PLCH1: variants seen among roughly 807,000 people sequenced by gnomAD.
PLCH1 encodes the protein phospholipase C eta 1.
In PLCH1, 60 loss-of-function variants were observed where a neutral mutation model predicts 126.7. The ratio of observed to expected loss-of-function variants is 0.47; its 90% CI spans 0.38 to 0.59. The LOEUF is 0.59. PLCH1 is among the 20% of genes least tolerant of loss of function. The probability of loss-of-function intolerance (pLI) is 0.00; values close to 1 mark genes in which losing one functional copy is unlikely to be tolerated. For missense variants in PLCH1, 1,723 were observed against 2,040.0 expected, an observed-to-expected ratio of 0.84 and a Z score of 2.99; for synonymous variants, 719 against 734.9, an observed-to-expected ratio of 0.98 and a Z score of 0.35.
intron 14 of PLCH1, among the ~76,000 whole-genome samples, chr3:155,500,289 C>T (rs959526868): frequency 3.3e-5 from 5 of 152,166 alleles, no homozygotes; most frequent in Non-Finnish European, 7.4e-5. Context: ...GAGACAGATA[C>T]AATGAGGAGC....
At chr3:155,714,323 G>A (rs1747356821) in intron 1 of PLCH1, among the ~76,000 whole-genome samples, 1 of 152,170 alleles carries the variant, frequency 6.6e-6, no homozygotes, top group Non-Finnish European at 1.5e-5. Context: ...CTCTGGCCCA[G>A]CCCCAAACTG....
At chr3:155,611,044 A>G (rs1343988004) in intron 2 of PLCH1, among the ~76,000 whole-genome samples, 2 of 152,228 alleles carry the variant, frequency 1.3e-5, no homozygotes, top group Non-Finnish European at 2.9e-5. Flanking sequence ...AATGAACACC[A>G]AAAGCATGCA....
chr3:155,657,140 T>G (rs1243007134), intron 2 of PLCH1, among the ~76,000 whole-genome samples: 1 of 151,398 alleles, frequency 6.6e-6, no homozygotes, highest in African/African-American at 2.4e-5. Flanking sequence ...GAAAAGAGAC[T>G]TCTGCTTCCA....
chr3:155,512,110 A>C (rs927766271), intron 12 of PLCH1, among the ~76,000 whole-genome samples: 7 of 149,186 alleles, frequency 4.7e-5, no homozygotes, highest in Non-Finnish European at 5.9e-5. Context: ...GAGTGACCCG[A>C]TTTTCCAGGT....
intron 22 of PLCH1, among the ~76,000 whole-genome samples, chr3:155,484,587 C>T (rs889762119): frequency 2.6e-5 from 4 of 152,192 alleles, no homozygotes; most frequent in African/African-American, 9.7e-5. Flanking sequence ...ATATTTGTTG[C>T]AGAGATATCA....
At position 155,744,995 on chromosome 3, in the gene PLCH1, T is replaced by C; in HGVS notation, c.-196A>G. On this transcript the variant is annotated 5_prime_UTR_variant, in exon 1 of 23. Transcript: ENST00000460012. Reference sequence around the variant, plus strand: ...AGAAAAGCCCCCCTAGAAGAGCACTTCTCCCCACTAGCCAGCAGAAGCCCC... The same window carrying C: ...AGAAAAGCCCCCCTAGAAGAGCACTCCTCCCCACTAGCCAGCAGAAGCCCC... 6.6e-6 allele frequency: 1 copy of C among 152,662 alleles called. No homozygotes were observed. The highest frequency in any genetic ancestry group is 1.5e-5 in the Non-Finnish European group (1 of 68,474). 9.5% of individuals were successfully genotyped at this position (152,662 alleles called of 1,614,324 possible). A position where few individuals can be genotyped will look rare whatever the true frequency, so the allele number is the denominator to read the frequency against.
Position 155,583,768 on chromosome 3 carries a change from C to T in PLCH1, c.601-126G>A, listed in dbSNP as rs1384399814. 8.5e-6 allele frequency: 5 copies of T among 591,418 alleles called. No individual in the cohort carries two copies. The East Asian group carries it at 1.6e-4, about 19-fold the overall frequency. 36.6% of individuals were successfully genotyped at this position (591,418 alleles called of 1,614,324 possible). ...CCAAGAGGTGAGCACACATTCTCTTCGAGCACACATTCTCTTCAAGCACAC... is the reference window on the plus strand; with the variant it reads ...CCAAGAGGTGAGCACACATTCTCTTTGAGCACACATTCTCTTCAAGCACAC... On this transcript the variant is annotated intron_variant, in intron 5 of 22. Coordinates refer to ENST00000460012, the MANE Select transcript of PLCH1 (RefSeq NM_014996.4).
At chr3:155,582,603 A>T (rs1730861364) in intron 6 of PLCH1, among the ~76,000 whole-genome samples, 2 of 152,294 alleles carry the variant, frequency 1.3e-5, no homozygotes, top group East Asian at 3.9e-4. Flanking sequence ...GATTTTTTAC[A>T]ATTTCAACAG....
At chr3:155,720,478 G>A (rs1010764535) in intron 1 of PLCH1, among the ~76,000 whole-genome samples, 1 of 152,236 alleles carries the variant, frequency 6.6e-6, no homozygotes, top group Non-Finnish European at 1.5e-5. Context: ...TAGTGACAGT[G>A]AGCATTTTTT....
At chr3:155,741,695 T>TTTTATTTTTA (rs1328861694) in intron 1 of PLCH1, among the ~76,000 whole-genome samples, 2 of 146,220 alleles carry the variant, frequency 1.4e-5, no homozygotes, top group Non-Finnish European at 1.5e-5. Context: ...TTTTTTTTTT[T>TTTTATTTTTA]TTTTTTTTTG....
chr3:155,505,357 G>C (rs143449752), intron 12 of PLCH1, among the ~76,000 whole-genome samples: 43 of 152,266 alleles, frequency 2.8e-4, no homozygotes, highest in African/African-American at 9.4e-4. Context: ...CCTGCTAAGA[G>C]AGTTTAAACT....
At chr3:155,714,477 G>T (rs989660962) in intron 1 of PLCH1, among the ~76,000 whole-genome samples, 1 of 152,142 alleles carries the variant, frequency 6.6e-6, no homozygotes, top group African/African-American at 2.4e-5. Context: ...GTTGTTAAAG[G>T]CCTCTGCAAA....
chr3:155,526,920 C>T (rs1722028830), intron 10 of PLCH1, among the ~76,000 whole-genome samples: 1 of 152,246 alleles, frequency 6.6e-6, no homozygotes, highest in African/African-American at 2.4e-5. Context: ...CACAACTAAG[C>T]ACAGAGATAG....
intron 10 of PLCH1, among the ~76,000 whole-genome samples, chr3:155,529,674 G>A (rs893490365): frequency 1.4e-3 from 218 of 152,306 alleles, no homozygotes; most frequent in African/African-American, 5.1e-3. Flanking sequence ...TTTTGCTGGC[G>A]GAGGGTCTTG....
chr3:155,638,828 A>G (rs1217116974), intron 2 of PLCH1, among the ~76,000 whole-genome samples: 1 of 152,222 alleles, frequency 6.6e-6, no homozygotes, highest in Non-Finnish European at 1.5e-5. Flanking sequence ...AACCTTCTGA[A>G]TAAATCAGAG....
intron 3 of PLCH1, among the ~76,000 whole-genome samples, chr3:155,594,466 AG>A (rs1234956737): frequency 6.6e-6 from 1 of 152,036 alleles, no homozygotes; most frequent in East Asian, 1.9e-4. Flanking sequence ...CTAGCTACTC[AG>A]GAGGCTGAGG....
intron 10 of PLCH1, among the ~76,000 whole-genome samples, chr3:155,548,519 ATCCACTGTGAGT>A (rs1390101484): frequency 6.6e-6 from 1 of 152,218 alleles, no homozygotes; most frequent in Non-Finnish European, 1.5e-5. Flanking sequence ...CACATTAAAT[ATCCACTGTGAGT>A]TCCACTGTCC....
intron 21 of PLCH1, among the ~76,000 whole-genome samples, chr3:155,460,462 G>C (rs948699049): frequency 6.6e-6 from 1 of 152,056 alleles, no homozygotes; most frequent in African/African-American, 2.4e-5. Flanking sequence ...ATAGATATAA[G>C]GACCCATTCT....
At chr3:155,676,454 T>A (rs945595381) in intron 2 of PLCH1, 14 of 953,610 alleles carry the variant, frequency 1.5e-5, no homozygotes, top group Non-Finnish European at 1.2e-6. Context: ...TCTTTATCCA[T>A]CAAAGAAACC....
Sources: allele counts gnomAD v4.1 joint callset (sites outside exome capture counted in the v4.1 genomes callset), GRCh38; gene constraint gnomAD v4.1.1; transcripts MANE v1.5; gene names NCBI Gene and HGNC (gene_info 2026-07-23, HGNC 2026-07-21).